RBM19: variants seen among roughly 807,000 people sequenced by gnomAD.
RBM19 encodes the protein probable RNA-binding protein 19.
A neutral mutation model predicts 116.8 loss-of-function variants in RBM19; 94 were observed. That is an observed-to-expected ratio of 0.80 (90% CI 0.68 to 0.95). RBM19 has a LOEUF of 0.95. Among genes scored for constraint, RBM19 ranks in the 40% least tolerant of loss-of-function variants. The probability of loss-of-function intolerance (pLI) is 0.00; values close to 1 mark genes in which losing one functional copy is unlikely to be tolerated. For synonymous variants in RBM19, 475 were observed against 494.1 expected (o/e 0.96, Z 0.51); for missense variants, 1,161 against 1,220.7 (o/e 0.95, Z 0.73).
intron 21 of RBM19, among the ~76,000 whole-genome samples, chr12:113,908,573 C>CAAAAAAAAAAAAAAAAAAAA (rs11338829): frequency 2.7e-4 from 9 of 33,222 alleles, no homozygotes; most frequent in East Asian, 1.6e-3. Context: ...AAGAAAATAG[C>CAAAAAAAAAAAAAAAAAAAA]AAAAAAAAAA....
intron 21 of RBM19, among the ~76,000 whole-genome samples, chr12:113,906,036 A>G (rs1194720033): frequency 6.6e-6 from 1 of 152,260 alleles, no homozygotes; most frequent in Non-Finnish European, 1.5e-5. Context: ...GCAAACTGAT[A>G]CAACCACTTT....
intron 1 of RBM19, among the ~76,000 whole-genome samples, chr12:113,965,285 AAAAAAAAC>A (rs1566048823): frequency 6.8e-6 from 1 of 147,958 alleles, no homozygotes; most frequent in African/African-American, 2.5e-5. Flanking sequence ...CCGTTTAAAA[AAAAAAAAC>A]AAAAAAAGAA....
chr12:113,880,568 CG>C (rs1880036836), intron 21 of RBM19, among the ~76,000 whole-genome samples: 1 of 152,128 alleles, frequency 6.6e-6, no homozygotes, highest in African/African-American at 2.4e-5. Flanking sequence ...CTGCGAACGG[CG>C]AGACTCTGGG....
In RBM19 at chr12:113,936,975, C is replaced by T. The variant is rs780097888; in HGVS notation, c.2068+32G>A. 8.7e-6 allele frequency: 14 copies of T among 1,606,922 alleles called. No homozygotes were observed. In the South Asian group the frequency reaches 1.4e-4, roughly 17 times the overall value. ...CTCCTCCTTTCCCTCACCAGGATCCCAAGCCATCCTGGTCTCAGACTCAGC... is the reference window on the plus strand; with the variant it reads ...CTCCTCCTTTCCCTCACCAGGATCCTAAGCCATCCTGGTCTCAGACTCAGC... On this transcript the variant is annotated intron_variant, in intron 16 of 23. Transcript: ENST00000261741.
intron 21 of RBM19, among the ~76,000 whole-genome samples, chr12:113,891,588 T>C (rs893817477): frequency 1.3e-5 from 2 of 152,162 alleles, no homozygotes; most frequent in African/African-American, 4.8e-5. Flanking sequence ...CTTGAGGATA[T>C]AGTAAGTCTC....
At chr12:113,833,705 C>T (rs779183017) in intron 23 of RBM19, among the ~76,000 whole-genome samples, 2 of 152,230 alleles carry the variant, frequency 1.3e-5, no homozygotes, top group Non-Finnish European at 2.9e-5. Flanking sequence ...CTTCCCCTCT[C>T]TGGTGGTCCT....
At chr12:113,918,946 C>T (rs1001066271) in intron 19 of RBM19, among the ~76,000 whole-genome samples, 2 of 152,188 alleles carry the variant, frequency 1.3e-5, no homozygotes, top group South Asian at 2.1e-4. Flanking sequence ...CACAGAGCTT[C>T]GTAGGAACAA....
chr12:113,936,867 G>C (rs953575039), intron 16 of RBM19, 140 bp downstream of exon 16: 15 of 1,124,644 alleles, frequency 1.3e-5, no homozygotes, highest in Non-Finnish European at 1.7e-5. Context: ...TAAAATCTGA[G>C]AGTCTGAGCC....
At chr12:113,912,301 C>G (rs988358011) in intron 21 of RBM19, among the ~76,000 whole-genome samples, 1 of 152,234 alleles carries the variant, frequency 6.6e-6, no homozygotes, top group Non-Finnish European at 1.5e-5. Flanking sequence ...CCTCTCTGGT[C>G]CCCCACAGAG....
intron 23 of RBM19, among the ~76,000 whole-genome samples, chr12:113,836,706 C>T (rs1181684894): frequency 1.3e-5 from 2 of 152,088 alleles, no homozygotes; most frequent in African/African-American, 4.8e-5. Context: ...AGGTGCCAGG[C>T]TCTGTGCTAT....
At position 113,844,704 on chromosome 12, in the gene RBM19, G is replaced by T. The variant is rs1295973081; in HGVS notation, c.2749C>A (p.Gln917Lys). 1.2e-6 allele frequency: 2 copies of T among 1,612,716 alleles called. No homozygotes were observed. Among genetic ancestry groups the T allele is most frequent in the African/African-American group, 1.3e-5 (1 of 74,938 alleles). ...LEWADSEVTL[Q>K]ALRRKTAAHF... ...GCGGCCGTCTTCCGCCGCAGGGCCT[G>T]CAGGGTCACCTCGGAGTCGGCCCAC... Residue 917 changes from glutamine (Q) to lysine (K), a missense_variant, in exon 23 of 24, where the codon CAG (glutamine) becomes AAG (lysine). Physicochemically the swap from Gln to Lys is moderately conservative, Grantham distance 53. Transcript: ENST00000261741.
chr12:113,823,907 C>T (rs1168833511), intron 23 of RBM19, among the ~76,000 whole-genome samples: 1 of 152,026 alleles, frequency 6.6e-6, no homozygotes, highest in Admixed American at 6.5e-5. Context: ...AACAGGTGCT[C>T]GATAAGTGGT....
At chr12:113,880,185 AAAAAC>A (rs1294770869) in intron 21 of RBM19, among the ~76,000 whole-genome samples, 23 of 152,132 alleles carry the variant, frequency 1.5e-4, no homozygotes, top group African/African-American at 4.8e-4. Flanking sequence ...TTATGCCCAA[AAAAAC>A]AAAACAAAAC....
chr12:113,924,631 A>G, intron 18 of RBM19, 66 bp downstream of exon 18: 1 of 1,389,810 alleles, frequency 7.2e-7, no homozygotes, highest in Non-Finnish European at 1.0e-6. Context: ...CTGAAGCTGG[A>G]GCTTCTTTTG....
chr12:113,860,734 G>T (rs192374711), intron 21 of RBM19, among the ~76,000 whole-genome samples: 1 of 152,238 alleles, frequency 6.6e-6, no homozygotes, highest in Admixed American at 6.5e-5. Flanking sequence ...CAGTGTCACC[G>T]CTCACTGTGC....
chr12:113,913,320 A>C (rs1171873864), intron 21 of RBM19, among the ~76,000 whole-genome samples: 1 of 152,096 alleles, frequency 6.6e-6, no homozygotes, highest in Non-Finnish European at 1.5e-5. Flanking sequence ...GAGGCTAAGG[A>C]TATGTACCTT....
At position 113,959,895 on chromosome 12, in the gene RBM19, C is replaced by T. The variant is rs199823334; in HGVS notation, c.348G>A (p.Lys116=). The T allele has an allele frequency of 2.4e-5, 38 of 1,614,082 alleles. No homozygotes were observed. Among genetic ancestry groups the T allele is most frequent in the Admixed American group, 6.7e-5 (4 of 60,002 alleles). The change falls in exon 4 of 24, where the codon AAG becomes AAA. Residue 116 remains lysine, a synonymous_variant. Coordinates refer to ENST00000261741, the MANE Select transcript of RBM19 (RefSeq NM_016196.4). ...STTPEIKKDE[K]KKKVAGQLEK... ...CCAGTTGACCTGCCACCTTTTTCTTCTTCTCATCCTGAAAACAGAAGGCAC... is the reference window on the plus strand; with the variant it reads ...CCAGTTGACCTGCCACCTTTTTCTTTTTCTCATCCTGAAAACAGAAGGCAC...
Position 113,945,923 on chromosome 12 carries a change from A to G in RBM19, c.1531T>C (p.Ser511Pro), listed in dbSNP as rs1870976015. 1 of 1,565,614 alleles carries G rather than the reference A, an allele frequency of 6.4e-7. No homozygotes were observed. The highest frequency in any genetic ancestry group is 8.8e-7 in the Non-Finnish European group (1 of 1,135,934). ...ATGAATAGTGTGTTCCAGTTGTGAG[A>G]GCTAAGAGGCAGAGGCAGAACAGGG... ...EAQDKANSAS[S>P]HNWNTLFMGP... is the part of the protein sequence containing the mutation. The change falls in exon 13 of 24, where the codon TCT becomes CCT. Residue 511 changes from serine to proline, a missense_variant and splice_region_variant. Coordinates refer to ENST00000261741, the MANE Select transcript of RBM19 (RefSeq NM_016196.4).
downstream of RBM19, chr12:113,817,778 C>T (rs1005329848): frequency 2.6e-5 from 4 of 152,538 alleles, no homozygotes; most frequent in South Asian, 2.1e-4. Context: ...AGTCCTCACC[C>T]ACTTGAGACC....
Sources: allele counts gnomAD v4.1 joint callset (sites outside exome capture counted in the v4.1 genomes callset), GRCh38; gene constraint gnomAD v4.1.1; transcripts MANE v1.5; gene names NCBI Gene and HGNC (gene_info 2026-07-23, HGNC 2026-07-21).